The following TMED8 variants were observed in gnomAD, a reference collection of about 807,000 sequenced individuals.
TMED8 encodes transmembrane p24 trafficking protein family member 8.
Under a neutral mutation model 32.7 loss-of-function variants are expected in TMED8, and 15 were observed. That is an observed-to-expected ratio of 0.46 (90% CI 0.31 to 0.71). The LOEUF (loss-of-function observed/expected upper bound fraction) is 0.71, where lower values mean the gene tolerates loss of function less well. TMED8 is among the 30% of genes least tolerant of loss of function. The pLI, the probability that TMED8 is intolerant of heterozygous loss-of-function variation, is 0.06. For missense variants in TMED8, 390 were observed against 423.9 expected, an observed-to-expected ratio of 0.92 and a Z score of 0.70; for synonymous variants, 147 against 161.4, an observed-to-expected ratio of 0.91 and a Z score of 0.68.
At chr14:77,362,966 A>T (rs1192570809) in intron 1 of TMED8, among the ~76,000 whole-genome samples, 2 of 152,238 alleles carry the variant, frequency 1.3e-5, no homozygotes, top group East Asian at 3.8e-4. Flanking sequence ...GAGCACCTAA[A>T]GGTATAAACC....
chr14:77,367,240 T>TAAAAAA (rs56707120), intron 1 of TMED8, among the ~76,000 whole-genome samples: 6 of 25,100 alleles, frequency 2.4e-4, no homozygotes, highest in African/African-American at 7.5e-4. Context: ...AGACTCTGTC[T>TAAAAAA]AAAAAAAAAA....
In TMED8 at chr14:77,343,398, G is replaced by A. The variant is rs1892952554; in HGVS notation, c.540C>T (p.Asn180=). 1 of 1,613,962 alleles carries A rather than the reference G, an allele frequency of 6.2e-7. No homozygotes were observed. The highest frequency in any genetic ancestry group is 1.3e-5 in the African/African-American group (1 of 74,928). ...EFKSKLGKEK[N]SRLVVKRGEV... is the part of the protein sequence containing the mutation. ...CACCACGCTTCACCACCAGACGGCTGTTCTTCTCTTTGCCCAGCTTGCTTT... is the reference window on the plus strand; with the variant it reads ...CACCACGCTTCACCACCAGACGGCTATTCTTCTCTTTGCCCAGCTTGCTTT... The change falls in exon 5 of 6, where the codon AAC becomes AAT. Residue 180 remains asparagine (N), a synonymous_variant. Coordinates refer to ENST00000216468, the MANE Select transcript of TMED8 (RefSeq NM_213601.3).
At chr14:77,363,606 A>G (rs1303351072) in intron 1 of TMED8, among the ~76,000 whole-genome samples, 1 of 152,126 alleles carries the variant, frequency 6.6e-6, no homozygotes, top group Non-Finnish European at 1.5e-5. Context: ...GTGAGCCATA[A>G]TCATGCCACT....
chr14:77,371,039 G>C (rs763592035), intron 1 of TMED8, among the ~76,000 whole-genome samples: 1 of 151,850 alleles, frequency 6.6e-6, no homozygotes, highest in Admixed American at 6.6e-5. Context: ...TTCCATAACT[G>C]CACATGAAAA....
intron 1 of TMED8, among the ~76,000 whole-genome samples, chr14:77,362,474 C>G (rs939957949): frequency 9.9e-5 from 15 of 151,716 alleles, no homozygotes; most frequent in Non-Finnish European, 1.5e-5. Flanking sequence ...AAAAAACCAC[C>G]CCAGATAAAC....
At chr14:77,364,743 C>T (rs181841489) in intron 1 of TMED8, among the ~76,000 whole-genome samples, 40 of 152,164 alleles carry the variant, frequency 2.6e-4, no homozygotes, top group Non-Finnish European at 4.9e-4. Flanking sequence ...GGACAAGTCC[C>T]CAGAACTGAA....
At chr14:77,359,677 C>T in intron 1 of TMED8, 2 of 299,728 alleles carry the variant, frequency 6.7e-6, no homozygotes, top group Non-Finnish European at 1.3e-5. Flanking sequence ...CTGGTACACA[C>T]AGGTGGAGGC....
At chr14:77,342,683 G>A (rs1050425527) in intron 5 of TMED8, among the ~76,000 whole-genome samples, 2 of 152,164 alleles carry the variant, frequency 1.3e-5, no homozygotes, top group African/African-American at 2.4e-5. Flanking sequence ...AATGGAGCCC[G>A]GAGACCCTTT....
Position 77,376,896 on chromosome 14 carries a change from C to G in TMED8, c.118+40G>C. ...CGCGCCGTGGTGCGGGGCCCTGAGG[C>G]CGGGCGGCACCCACCCGCCAGCGCC... On this transcript the variant is annotated intron_variant, in intron 1 of 5. Coordinates refer to ENST00000216468, the MANE Select transcript of TMED8 (RefSeq NM_213601.3). The surrounding 1 kb of genome is among the most constrained non-coding windows in gnomAD (Gnocchi z 4.0). The G allele has an allele frequency of 1.6e-6, 2 of 1,257,294 alleles. No individual in the cohort carries two copies. The allele number at this position is 1,257,294 out of a possible 1,614,324, so 77.9% of individuals were successfully genotyped here. A position where few individuals can be genotyped will look rare whatever the true frequency, so the allele number is the denominator to read the frequency against.
rs1206939796 is a variant in TMED8 at position 77,335,143 on chromosome 14, T to G, written c.*6628A>C. On this transcript the variant is annotated 3_prime_UTR_variant, in exon 6 of 6. Coordinates refer to ENST00000216468, the MANE Select transcript of TMED8 (RefSeq NM_213601.3). ...ATATAAAACGCAAGAACTGAGCTAC[T>G]TGAAGAAGCACAGCTCAGAATCATC... The G allele has an allele frequency of 1.3e-5, 2 of 152,244 alleles. No homozygotes were observed. The highest frequency in any genetic ancestry group is 4.8e-5 in the African/African-American group (2 of 41,458). The allele number at this position is 152,244 out of a possible 1,614,324, so 9.4% of individuals were successfully genotyped here. A position where few individuals can be genotyped will look rare whatever the true frequency, so the allele number is the denominator to read the frequency against.
intron 2 of TMED8, 116 bp from the exon 3 acceptor site, chr14:77,346,594 C>T: frequency 1.5e-6 from 2 of 1,348,796 alleles, no homozygotes; most frequent in East Asian, 2.3e-5. Context: ...CTGCCCCTGG[C>T]ATTTATTTAG....
At chr14:77,343,589 TGA>T (rs1892960173) in intron 4 of TMED8, 106 bp from the exon 5 acceptor site, 3 of 1,580,850 alleles carry the variant, frequency 1.9e-6, no homozygotes, top group Middle Eastern at 1.7e-4. Context: ...TCTACTGGCT[TGA>T]CTTCCTTTCA....
chr14:77,365,939 C>T (rs1239344972), intron 1 of TMED8, among the ~76,000 whole-genome samples: 1 of 152,100 alleles, frequency 6.6e-6, no homozygotes, highest in Non-Finnish European at 1.5e-5. Context: ...AAGGACCTAA[C>T]TAGTAATGAA....
rs971019243 is a variant in TMED8 at position 77,376,789 on chromosome 14, G to C, written c.118+147C>G. On this transcript the variant is annotated intron_variant, in intron 1 of 5. Transcript: ENST00000216468. This position sits in a 1 kb window ranked among gnomAD's most constrained non-coding sequence, Gnocchi z 4.0. ...CCAGGGCCCGGGTGGTGGCAGCGGC[G>C]GGGAAGGGGCCCCGCGCGCGAAGGG... The C allele has an allele frequency of 2.6e-6, 1 of 387,736 alleles. No individual in the cohort carries two copies. Among genetic ancestry groups the C allele is most frequent in the East Asian group, 4.0e-5 (1 of 24,998 alleles). The allele number at this position is 387,736 out of a possible 1,614,324, so 24.0% of individuals were successfully genotyped here.
chr14:77,341,817 A>T lies in TMED8; in HGVS notation c.932T>A (p.Leu311Gln). 2 of 1,613,944 alleles carry T rather than the reference A, an allele frequency of 1.2e-6. No individual in the cohort carries two copies. The highest frequency in any genetic ancestry group is 1.7e-6 in the Non-Finnish European group (2 of 1,180,024). Residue 311 changes from leucine (L) to glutamine (Q), a missense_variant, in exon 6 of 6, where the codon CTG (leucine) becomes CAG (glutamine). By Grantham distance (113) the Leu-to-Gln change is moderately radical. Coordinates refer to ENST00000216468, the MANE Select transcript of TMED8 (RefSeq NM_213601.3). ...YLLKFDNSYS[L>Q]LRNKTLYFHI... The stretch of plus-strand genomic sequence containing the variant: ...GAAGTAGAGAGTCTTGTTGCGCAGC[A>T]GGGAGTAGGAGTTGTCGAACTTGAG...
Position 77,351,738 on chromosome 14 carries a change from T to C in TMED8, c.132A>G (p.Leu44=), listed in dbSNP as rs745425106. The C allele has an allele frequency of 3.7e-6, 6 of 1,612,854 alleles. No individual in the cohort carries two copies. Among genetic ancestry groups the C allele is most frequent in the Admixed American group, 1.7e-5 (1 of 59,842 alleles). Residue 44 remains leucine, a synonymous_variant, in exon 2 of 6, where the codon CTA becomes CTG. Coordinates refer to ENST00000216468, the MANE Select transcript of TMED8 (RefSeq NM_213601.3). ...SQAAASENED[L]ENKDTSLLAS... ...CCAATAAAGAGGTATCCTTGTTTTC[T>C]AGATCTTCATTCTCTAGAAAACCAT...
intron 1 of TMED8, chr14:77,359,423 A>T: frequency 1.3e-5 from 3 of 229,122 alleles, no homozygotes; most frequent in Non-Finnish European, 2.7e-5. Flanking sequence ...AATTCTCCAG[A>T]TGTCTCCCAG....
chr14:77,349,239 C>T (rs1382909683), intron 2 of TMED8, among the ~76,000 whole-genome samples: 2 of 151,478 alleles, frequency 1.3e-5, no homozygotes, highest in African/African-American at 4.9e-5. Context: ...GCCTCAGCCT[C>T]CTGAGTAGCT....
rs1286791355 is a variant in TMED8 at position 77,341,058 on chromosome 14, G to T, written c.*713C>A. 1.3e-5 allele frequency: 2 copies of T among 152,156 alleles called. No homozygotes were observed. The highest frequency in any genetic ancestry group is 2.4e-5 in the African/African-American group (1 of 41,434). The allele number at this position is 152,156 out of a possible 1,614,324, so 9.4% of individuals were successfully genotyped here. ...TAAGGGAAACCAGCTCTTGGAATAG[G>T]AAATAATGGGGGCAGTTTTTCTTCC... On this transcript the variant is annotated 3_prime_UTR_variant, in exon 6 of 6. Coordinates refer to ENST00000216468, the MANE Select transcript of TMED8 (RefSeq NM_213601.3).
Sources: gnomAD v4.1 joint callset for allele counts (sites outside exome capture counted in the v4.1 genomes callset) on GRCh38, gnomAD v4.1.1 for gene constraint, Gnocchi (gnomAD v3.1) non-coding constraint, MANE v1.5 for transcripts, NCBI Gene and HGNC (gene_info 2026-07-23, HGNC 2026-07-21) for gene names.